CDH26: variants seen among roughly 807,000 people sequenced by gnomAD.
CDH26 encodes the protein cadherin 26, also known as cadherin-like protein 26.
CDH26 carries 83 observed loss-of-function variants against 90.3 expected under a neutral mutation model. The ratio of observed to expected loss-of-function variants is 0.92; its 90% confidence interval spans 0.77 to 1.10. The LOEUF is 1.10. Ranked by LOEUF, CDH26 falls within the 50% of genes least tolerant of loss-of-function variation. CDH26 has a pLI of 0.00. For missense variants in CDH26, 1,013 were observed against 1,037.6 expected (o/e 0.98, Z 0.33); for synonymous variants, 397 against 396.3 (o/e 1.00, Z -0.02).
chr20:60,000,719 C>A (rs2061665342), intron 14 of CDH26, among the ~76,000 whole-genome samples: 1 of 152,190 alleles, frequency 6.6e-6, no homozygotes, highest in South Asian at 2.1e-4. Context: ...TTTGGTGTAT[C>A]TCTGGGTTCC....
Position 59,986,197 on chromosome 20 carries a change from C to G in CDH26, c.837+1068C>G. 2 of 152,222 alleles carry G rather than the reference C, an allele frequency of 1.3e-5. 1 individual carries two copies. Among genetic ancestry groups the G allele is most frequent in the East Asian group, 3.9e-4 (2 of 5,186 alleles). 9.4% of individuals were successfully genotyped at this position (152,222 alleles called of 1,614,324 possible). A position where few individuals can be genotyped will look rare whatever the true frequency, so the allele number is the denominator to read the frequency against. On this transcript the variant is annotated intron_variant, in intron 7 of 17. Transcript: ENST00000348616. ...AAGGTGAGCAGGTAGGCTTTGGCCT[C>G]GCCTTCCATACCTTACCTTATCCAA...
At chr20:59,981,180 T>G (rs2061391361) in intron 4 of CDH26, among the ~76,000 whole-genome samples, 1 of 152,172 alleles carries the variant, frequency 6.6e-6, no homozygotes, top group South Asian at 2.1e-4. Context: ...TCCTCTAACT[T>G]TGTGTTTCTT....
At chr20:60,010,248 G>T (rs1175922333) in intron 17 of CDH26, among the ~76,000 whole-genome samples, 1 of 152,106 alleles carries the variant, frequency 6.6e-6, no homozygotes, top group African/African-American at 2.4e-5. Context: ...ATGGGGACAC[G>T]CATGGGGTCC....
chr20:59,983,147 T>C lies in CDH26; in HGVS notation c.541+77T>C, dbSNP rs567820553. On this transcript the variant is annotated intron_variant, in intron 5 of 17. Coordinates refer to ENST00000348616, the MANE Select transcript of CDH26 (RefSeq NM_177980.4). ...TTTTCATTAATATTGATGAGGAGCT[T>C]GATCCTAGTCATCTTCAGGGAGAGT... is the stretch of plus-strand genomic sequence containing the variant. The C allele has an allele frequency of 1.7e-3, 2,593 of 1,500,026 alleles. 5 individuals are homozygous for C. Among genetic ancestry groups the C allele is most frequent in the Non-Finnish European group, 1.9e-3 (2,065 of 1,105,766 alleles). 92.9% of individuals were successfully genotyped at this position (1,500,026 alleles called of 1,614,324 possible). A position where few individuals can be genotyped will look rare whatever the true frequency, so the allele number is the denominator to read the frequency against.
In CDH26 at chr20:60,013,654, A is replaced by C. The variant is rs988746047; in HGVS notation, c.*924A>C. ...ATCTAAAAGTCTACAGCCATATAAAAATTTTATATAATTAATGAGCAAATG... is the reference window on the plus strand; with the variant it reads ...ATCTAAAAGTCTACAGCCATATAAACATTTTATATAATTAATGAGCAAATG... On this transcript the variant is annotated 3_prime_UTR_variant, in exon 18 of 18. Coordinates refer to ENST00000348616, the MANE Select transcript of CDH26 (RefSeq NM_177980.4). 6.6e-6 allele frequency: 1 copy of C among 152,196 alleles called. No individual in the cohort carries two copies. Among genetic ancestry groups the C allele is most frequent in the African/African-American group, 2.4e-5 (1 of 41,448 alleles). 9.4% of individuals were successfully genotyped at this position (152,196 alleles called of 1,614,324 possible). A position where few individuals can be genotyped will look rare whatever the true frequency, so the allele number is the denominator to read the frequency against.
rs951339233 is a variant in CDH26, at chr20:59,967,949, T to C, written c.70-1018T>C. 2.0e-5 allele frequency among the ~76,000 whole-genome samples: 2 copies of C among 101,514 alleles called. 1 individual carries two copies. Among genetic ancestry groups the C allele is most frequent in the African/African-American group, 1.2e-4 (2 of 16,902 alleles). 66.6% of individuals were successfully genotyped at this position (101,514 alleles called of 152,430 possible). A position where few individuals can be genotyped will look rare whatever the true frequency, so the allele number is the denominator to read the frequency against. On this transcript the variant is annotated intron_variant, in intron 1 of 17. Coordinates refer to ENST00000348616, the MANE Select transcript of CDH26 (RefSeq NM_177980.4). ...CTTTCCTTTCCCTTTCTTTCTTTCT[T>C]TCTTTCTATCTTTCTTTCTTTCTTT... is the stretch of plus-strand genomic sequence containing the variant.
In CDH26 at chr20:60,025,540, G is replaced by A. The variant is rs376151316; in HGVS notation, c.948-5691G>A. On this transcript the variant is annotated intron_variant, in intron 7 of 8. Transcript: ENST00000370991. ...CTGCCAGAAGTCCTCCAGGGCCTTC[G>A]GGGTAAGCAGGTGGGTGATCAGCCT... is the stretch of plus-strand genomic sequence containing the variant. 1.2e-4 allele frequency among the ~76,000 whole-genome samples: 19 copies of A among 152,284 alleles called. No individual in the cohort carries two copies. In the South Asian group the frequency reaches 3.1e-3, roughly 25 times the overall value.
rs757073515 is a variant in CDH26 at position 60,002,858 on chromosome 20, T to C, written c.2212T>C (p.Ser738Pro). Residue 738 changes from serine to proline, a missense_variant, in exon 16 of 18, where the codon TCT becomes CCT. Transcript: ENST00000348616. ...GCCAAGAAGTGTGAAAAACATACAC[T>C]CTACTCCTGTAAGTATAGATGTAGG... ...FEPRSVKNIH[S>P]TPAYPDATMH... 6 of 1,593,254 alleles carry C rather than the reference T, an allele frequency of 3.8e-6. No individual in the cohort carries two copies. In the African/African-American group the frequency reaches 8.0e-5, roughly 21 times the overall value.
chr20:59,985,027 C>G lies in CDH26; in HGVS notation c.735C>G (p.Ile245Met), dbSNP rs1409243893. Residue 245 changes from isoleucine to methionine, a missense_variant, in exon 7 of 18, where the codon ATC becomes ATG. Coordinates refer to ENST00000348616, the MANE Select transcript of CDH26 (RefSeq NM_177980.4). The part of the protein sequence containing the change: ...YETAPQFTLL[I>M]RARDCGEPSL... ...CCGCTCCTCAGTTTACACTGCTAAT[C>G]AGAGCCAGGGACTGTGGAGAACCGT... 1.2e-6 allele frequency: 2 copies of G among 1,614,090 alleles called. No individual in the cohort carries two copies. Among genetic ancestry groups the G allele is most frequent in the Non-Finnish European group, 1.7e-6 (2 of 1,179,994 alleles).
intron 13 of CDH26, among the ~76,000 whole-genome samples, chr20:59,998,759 T>C (rs973302799): frequency 1.3e-5 from 2 of 152,198 alleles, no homozygotes; most frequent in Admixed American, 6.5e-5. Flanking sequence ...AGCTTGATAG[T>C]CTTCTGTCTC....
At chr20:59,984,610 T>C (rs1601134753) in intron 5 of CDH26, 29 bp from the exon 6 acceptor site, 3 of 1,592,904 alleles carry the variant, frequency 1.9e-6, no homozygotes, top group Non-Finnish European at 2.6e-6. Flanking sequence ...CTTTATCTGA[T>C]AGTAACAATT....
At chr20:59,998,626 C>G (rs2061633341) in intron 13 of CDH26, among the ~76,000 whole-genome samples, 1 of 152,192 alleles carries the variant, frequency 6.6e-6, no homozygotes, top group Non-Finnish European at 1.5e-5. Flanking sequence ...AGGCACATCT[C>G]CATTCCTGCT....
intron 4 of CDH26, among the ~76,000 whole-genome samples, 167 bp downstream of exon 4, chr20:59,972,290 T>C (rs1294083809): frequency 1.3e-5 from 2 of 152,188 alleles, no homozygotes; most frequent in African/African-American, 4.8e-5. Flanking sequence ...TAATCTTCTT[T>C]TAGAGTTGTG....
At chr20:59,973,739 G>A (rs1451414607) in intron 4 of CDH26, among the ~76,000 whole-genome samples, 1 of 152,086 alleles carries the variant, frequency 6.6e-6, no homozygotes, top group African/African-American at 2.4e-5. Flanking sequence ...CTTTTTTATG[G>A]CTGCATAGTA....
At chr20:59,962,031 T>C (rs1037402283) in intron 1 of CDH26, among the ~76,000 whole-genome samples, 5 of 152,230 alleles carry the variant, frequency 3.3e-5, no homozygotes, top group Admixed American at 6.5e-5. Context: ...TGAATTACTC[T>C]TTCAGCCCTT....
At chr20:60,025,948 T>G (rs1356522039) in intron 7 of CDH26, among the ~76,000 whole-genome samples, 1 of 152,216 alleles carries the variant, frequency 6.6e-6, no homozygotes, top group Non-Finnish European at 1.5e-5. Flanking sequence ...ATGCTTTCAA[T>G]CTACCGAAAT....
In CDH26 at chr20:60,030,556, C is replaced by T. The variant is rs916519053; in HGVS notation, c.948-675C>T. On this transcript the variant is annotated intron_variant, in intron 7 of 8. Transcript: ENST00000370991. The surrounding 1 kb of genome is among the most constrained non-coding windows in gnomAD (Gnocchi z 4.0). ...TTTAACTAGCTAATGTAGCCCACCC[C>T]GTTGGCCACCACTATTAGTTCAGAG... 6.6e-6 allele frequency among the ~76,000 whole-genome samples: 1 copy of T among 152,166 alleles called. No homozygotes were observed. The highest frequency in any genetic ancestry group is 1.5e-5 in the Non-Finnish European group (1 of 68,026).
In CDH26 at chr20:59,988,948, C is replaced by T; in HGVS notation, c.1068C>T (p.Val356=). Residue 356 remains valine (V), a synonymous_variant, in exon 9 of 18, where the codon GTC becomes GTT. Transcript: ENST00000348616. ...ETRPAQSLII[V]VENEERLVFC... ...GCCCAGCGCAAAGCCTCATCATTGTCGTGGAGAATGAGGAGAGGCTCGTCT... is the reference window on the plus strand; with the variant it reads ...GCCCAGCGCAAAGCCTCATCATTGTTGTGGAGAATGAGGAGAGGCTCGTCT... 5.0e-6 allele frequency: 8 copies of T among 1,614,062 alleles called. No homozygotes were observed. The highest frequency in any genetic ancestry group is 2.7e-5 in the African/African-American group (2 of 74,992).
In CDH26 at chr20:59,989,038, G is replaced by A; in HGVS notation, c.1158G>A (p.Gln386=). Residue 386 remains glutamine (Q), a synonymous_variant, in exon 9 of 18, where the codon CAG becomes CAA. Coordinates refer to ENST00000348616, the MANE Select transcript of CDH26 (RefSeq NM_177980.4). ...CAGCCAGCGCCACTGTGAGTGTGCA[G>A]GTGACAGACGCCAACGACCCACCAG... ...KAAASATVSV[Q]VTDANDPPAF... is the part of the protein sequence containing the mutation. 1 of 1,614,202 alleles carries A rather than the reference G, an allele frequency of 6.2e-7. No individual in the cohort carries two copies. The highest frequency in any genetic ancestry group is 1.3e-5 in the African/African-American group (1 of 75,046).
Sources: allele counts gnomAD v4.1 joint callset (sites outside exome capture counted in the v4.1 genomes callset), GRCh38; gene constraint gnomAD v4.1.1; non-coding constraint Gnocchi (gnomAD v3.1); transcripts MANE v1.5; gene names NCBI Gene and HGNC (gene_info 2026-07-23, HGNC 2026-07-21).